LRIG1: variants seen among roughly 807,000 people sequenced by gnomAD.
LRIG1 encodes the protein leucine-rich repeats and immunoglobulin-like domains protein 1.
LRIG1 carries 48 observed loss-of-function variants against 99.2 expected under a neutral mutation model. The observed-to-expected ratio is 0.48, with a 90% CI of 0.38 to 0.62. LRIG1 has a LOEUF of 0.62. LRIG1 is among the 20% of genes least tolerant of loss of function. LRIG1 has a pLI of 0.00. For missense variants in LRIG1, 1,646 were observed against 1,434.4 expected (o/e 1.15, Z -2.38); for synonymous variants, 772 against 596.1 (o/e 1.29, Z -4.30).
chr3:66,491,101 T>C (rs913981493), intron 1 of LRIG1, among the ~76,000 whole-genome samples: 1 of 151,884 alleles, frequency 6.6e-6, no homozygotes, highest in Admixed American at 6.5e-5. Flanking sequence ...GGAACCTAGT[T>C]CTTTGCTTTT....
intron 3 of LRIG1, among the ~76,000 whole-genome samples, chr3:66,448,071 G>A (rs1013123135): frequency 1.3e-5 from 2 of 152,140 alleles, no homozygotes; most frequent in South Asian, 2.1e-4. Flanking sequence ...AAATGGCTCC[G>A]GCATTATCCT....
At position 66,398,982 on chromosome 3, in the gene LRIG1, C is replaced by T. The variant is rs910297614; in HGVS notation, c.1220G>A (p.Gly407Asp). The T allele has an allele frequency of 6.2e-7, 1 of 1,614,168 alleles. No homozygotes were observed. Among genetic ancestry groups the T allele is most frequent in the Non-Finnish European group, 8.5e-7 (1 of 1,180,016 alleles). ...VAKRAFSGLEGLEHLNLGGNA... is the reference protein window; with the variant it reads ...VAKRAFSGLEDLEHLNLGGNA... The stretch of plus-strand genomic sequence containing the variant: ...GTGAGATACTCACAGGTGCTCCAGG[C>T]CTTCCAGCCCCGAGAATGCTCTCTT... The change falls in exon 10 of 19, where the codon GGC becomes GAC. Residue 407 changes from glycine (G) to aspartate (D), a missense_variant. Coordinates refer to ENST00000273261, the MANE Select transcript of LRIG1 (RefSeq NM_015541.3).
chr3:66,479,714 T>C (rs531346031), intron 1 of LRIG1, among the ~76,000 whole-genome samples: 2 of 152,354 alleles, frequency 1.3e-5, no homozygotes, highest in South Asian at 4.1e-4. Flanking sequence ...TTAGTCATTA[T>C]GGAAATGCAA....
At position 66,395,739 on chromosome 3, in the gene LRIG1, G is replaced by A. The variant is rs190309168; in HGVS notation, c.1305-1536C>T. 1.6e-3 allele frequency among the ~76,000 whole-genome samples: 237 copies of A among 152,314 alleles called. 1 individual carries two copies. The highest frequency in any genetic ancestry group is 5.6e-3 in the African/African-American group (231 of 41,578). ...CCCTGAGGAAATGGTCAATTCCCAT[G>A]CAGTGTTTGGGGAGGGCAGCTCCCA... On this transcript the variant is annotated intron_variant, in intron 11 of 18. Transcript: ENST00000273261.
intron 3 of LRIG1, among the ~76,000 whole-genome samples, chr3:66,428,476 C>CA (rs200410358): frequency 2.4e-3 from 357 of 148,914 alleles, no homozygotes; most frequent in Non-Finnish European, 4.3e-3. Context: ...CTAATGATCA[C>CA]AAAAAAAAAA....
chr3:66,488,714 C>A (rs1016073914), intron 1 of LRIG1, among the ~76,000 whole-genome samples: 3 of 152,168 alleles, frequency 2.0e-5, no homozygotes, highest in African/African-American at 7.2e-5. Context: ...CACGAAAGAT[C>A]TCCCTGGTAA....
intron 12 of LRIG1, among the ~76,000 whole-genome samples, chr3:66,388,790 C>G (rs1232238147): frequency 6.6e-6 from 1 of 152,080 alleles, no homozygotes; most frequent in Non-Finnish European, 1.5e-5. Flanking sequence ...TAAAACATTC[C>G]GATGTTTTTA....
chr3:66,473,505 T>C (rs996197323), intron 1 of LRIG1, among the ~76,000 whole-genome samples: 8 of 152,200 alleles, frequency 5.3e-5, no homozygotes, highest in South Asian at 4.1e-4. Flanking sequence ...CATATAAAAA[T>C]CCATGCTTAC....
At chr3:66,470,550 T>C (rs1043189696) in intron 1 of LRIG1, among the ~76,000 whole-genome samples, 7 of 152,108 alleles carry the variant, frequency 4.6e-5, no homozygotes, top group African/African-American at 1.4e-4. Flanking sequence ...TTGAGAAGAA[T>C]AGCCCCATGC....
intron 3 of LRIG1, among the ~76,000 whole-genome samples, chr3:66,440,694 G>A (rs1299674183): frequency 6.6e-6 from 1 of 152,188 alleles, no homozygotes; most frequent in African/African-American, 2.4e-5. Flanking sequence ...GTACAAAGCT[G>A]TCAGAGATAG....
chr3:66,472,051 T>A (rs538645329), intron 1 of LRIG1, among the ~76,000 whole-genome samples: 1 of 152,194 alleles, frequency 6.6e-6, no homozygotes, highest in African/African-American at 2.4e-5. Context: ...ATGCCTGTAA[T>A]CCCAGCACTT....
chr3:66,387,039 C>A, intron 12 of LRIG1: 1 of 149,408 alleles, frequency 6.7e-6, no homozygotes. Context: ...ACACGGAAAG[C>A]CCCATTCACA....
rs184438995 is a variant in LRIG1, at chr3:66,472,598, A to G, written c.219-10089T>C. ...TACCTGTTTTAACACAGGCCCATAA[A>G]ATTGCTCCTGGTCATGAGAGCAGGG... On this transcript the variant is annotated intron_variant, in intron 1 of 18. Transcript: ENST00000273261. Among the ~76,000 whole-genome samples, 93 of 152,256 alleles carry G rather than the reference A, an allele frequency of 6.1e-4. 2 individuals are homozygous for G. Among genetic ancestry groups the G allele is most frequent in the African/African-American group, 2.2e-3 (90 of 41,538 alleles).
chr3:66,433,356 A>G (rs1306087116), intron 3 of LRIG1, among the ~76,000 whole-genome samples: 1 of 152,200 alleles, frequency 6.6e-6, no homozygotes, highest in African/African-American at 2.4e-5. Context: ...GAAGACAGAG[A>G]GGGGACTGTG....
chr3:66,439,796 C>A (rs903849319), intron 3 of LRIG1, among the ~76,000 whole-genome samples: 2 of 152,110 alleles, frequency 1.3e-5, no homozygotes, highest in Admixed American at 6.6e-5. Flanking sequence ...ATTCTGTGAT[C>A]TCCAAATAAG....
In LRIG1 at chr3:66,451,603, T is replaced by C. The variant is rs2106808059; in HGVS notation, c.321A>G (p.Val107=). The change falls in exon 3 of 19, where the codon GTA becomes GTG. Residue 107 remains valine (V), a synonymous_variant. Coordinates refer to ENST00000273261, the MANE Select transcript of LRIG1 (RefSeq NM_015541.3). The part of the protein sequence containing the change: ...VYLNNNELTA[V]PSLGAASSHV... ...GTGATGAAGCAGCGCCCAGGGATGG[T>C]ACCGCTGTCAACTCATTATTATTGA... The C allele has an allele frequency of 6.2e-7, 1 of 1,614,064 alleles. No individual in the cohort carries two copies.
rs1338586830 is a variant in LRIG1 at position 66,419,563 on chromosome 3, G to C, written c.366-2297C>G. ...AGGATGCTGAGGCCAGGAGGAGACA[G>C]GTAGGCAGAAGCCAGGAGCTTGGAT... On this transcript the variant is annotated intron_variant, in intron 3 of 18. Coordinates refer to ENST00000273261, the MANE Select transcript of LRIG1 (RefSeq NM_015541.3). Among the ~76,000 whole-genome samples the C allele has an allele frequency of 4.6e-5, 7 of 152,152 alleles. No individual in the cohort carries two copies. In the East Asian group the frequency reaches 1.4e-3, roughly 29 times the overall value.
Position 66,406,672 on chromosome 3 carries a change from G to A in LRIG1, c.1079+676C>T, listed in dbSNP as rs908481754. On this transcript the variant is annotated intron_variant, in intron 8 of 18. Transcript: ENST00000273261. ...GCTGACAGCTGCTTGGAAGTTCTATGAAGCCAACCATGGAAAAGTTTTATA... is the reference window on the plus strand; with the variant it reads ...GCTGACAGCTGCTTGGAAGTTCTATAAAGCCAACCATGGAAAAGTTTTATA... 3.3e-5 allele frequency among the ~76,000 whole-genome samples: 5 copies of A among 152,188 alleles called. No homozygotes were observed. The South Asian group carries it at 1.0e-3, about 32-fold the overall frequency.
Position 66,381,623 on chromosome 3 carries a change from G to T in LRIG1, c.2626C>A (p.Pro876Thr). 1 of 1,613,410 alleles carries T rather than the reference G, an allele frequency of 6.2e-7. No individual in the cohort carries two copies. The highest frequency in any genetic ancestry group is 8.5e-7 in the Non-Finnish European group (1 of 1,179,398). Residue 876 changes from proline to threonine, a missense_variant, in exon 17 of 19, where the codon CCA becomes ACA. Physicochemically the swap from Pro to Thr is conservative, Grantham distance 38 (BLOSUM62 -1). Coordinates refer to ENST00000273261, the MANE Select transcript of LRIG1 (RefSeq NM_015541.3). Reference sequence around the variant, plus strand: ...TCTGGAAAGTGGCTTGCATCTCTTGGACACACACCTGCAAGTGGATTCCAA... The same window carrying T: ...TCTGGAAAGTGGCTTGCATCTCTTGTACACACACCTGCAAGTGGATTCCAA... ...NGHIESNGVC[P>T]RDASHFPEPD...
Sources: allele counts gnomAD v4.1 joint callset (sites outside exome capture counted in the v4.1 genomes callset), GRCh38; gene constraint gnomAD v4.1.1; transcripts MANE v1.5; gene names NCBI Gene and HGNC (gene_info 2026-07-23, HGNC 2026-07-21).